Variants in PCDHA2 observed in about 807,000 individuals in gnomAD.
PCDHA2 encodes the protein protocadherin alpha-2.
In PCDHA2, 58 loss-of-function variants were observed where a neutral mutation model predicts 66.0. That is an observed-to-expected ratio of 0.88 (90% CI 0.71 to 1.09). The LOEUF (loss-of-function observed/expected upper bound fraction) is 1.09. Among genes scored for constraint, PCDHA2 ranks in the 50% least tolerant of loss-of-function variants. The pLI is 0.00. For synonymous variants in PCDHA2, 634 were observed against 554.0 expected, an observed-to-expected ratio of 1.14 and a Z score of -2.03; for missense variants, 1,267 against 1,242.3, an observed-to-expected ratio of 1.02 and a Z score of -0.30.
chr5:140,879,010 G>T (rs2057809352), intron 1 of PCDHA2, among the ~76,000 whole-genome samples: 1 of 152,200 alleles, frequency 6.6e-6, no homozygotes, highest in African/African-American at 2.4e-5. Context: ...CTAGAAATCA[G>T]ATAATGTTTT....
chr5:140,887,074 G>T (rs1554182860), intron 1 of PCDHA2, among the ~76,000 whole-genome samples: 2 of 151,506 alleles, frequency 1.3e-5, no homozygotes, highest in Non-Finnish European at 2.9e-5. Flanking sequence ...AATTCACTCA[G>T]CTTTTGTCTG....
Position 140,993,289 on chromosome 5 carries a change from C to T in PCDHA2, c.2536+10726C>T, listed in dbSNP as rs148346866. Among the ~76,000 whole-genome samples the T allele has an allele frequency of 3.6e-3, 552 of 152,140 alleles. 3 individuals are homozygous for T. The highest frequency in any genetic ancestry group is 0.01 in the Middle Eastern group (3 of 294). On this transcript the variant is annotated intron_variant, in intron 3 of 3. Coordinates refer to ENST00000526136, the MANE Select transcript of PCDHA2 (RefSeq NM_018905.3). ...TCTTTGGTCTTTTCTTGCCCAGGGTCACAACCTTGCCTCCAGGATAATACC... is the reference window on the plus strand; with the variant it reads ...TCTTTGGTCTTTTCTTGCCCAGGGTTACAACCTTGCCTCCAGGATAATACC...
intron 1 of PCDHA2, chr5:140,803,097 AC>A (rs782102274): frequency 1.1e-5 from 17 of 1,613,696 alleles, no homozygotes; most frequent in Non-Finnish European, 5.1e-6. Flanking sequence ...GATCAGCACG[AC>A]CCGTGCCCTG....
chr5:140,809,343 C>A (rs1764434828), intron 1 of PCDHA2: 3 of 1,614,074 alleles, frequency 1.9e-6, no homozygotes, highest in Middle Eastern at 3.3e-4. Context: ...CTGCTGTACA[C>A]CGCGCTGCGG....
At chr5:140,937,824 A>G (rs1229119616) in intron 1 of PCDHA2, among the ~76,000 whole-genome samples, 1 of 151,696 alleles carries the variant, frequency 6.6e-6, no homozygotes, top group African/African-American at 2.4e-5. Context: ...AGGCAGGAGA[A>G]TGGCATGAAC....
At chr5:140,967,066 C>A (rs782715200) in intron 1 of PCDHA2, 2 of 1,612,908 alleles carry the variant, frequency 1.2e-6, no homozygotes, top group Non-Finnish European at 1.7e-6. Context: ...GAGCGCTCTT[C>A]GTCAACGAGC....
intron 1 of PCDHA2, chr5:140,967,680 GGCAGCTCTTCA>G: frequency 6.2e-7 from 1 of 1,614,228 alleles, no homozygotes; most frequent in East Asian, 2.2e-5. Flanking sequence ...GACCGGGAGA[GGCAGCTCTTCA>G]GCATAGATGC....
chr5:140,983,363 C>A (rs574253600), intron 3 of PCDHA2, among the ~76,000 whole-genome samples: 33 of 152,290 alleles, frequency 2.2e-4, no homozygotes, highest in African/African-American at 7.9e-4. Context: ...AGAAATATGG[C>A]TTTGGAGGCC....
chr5:140,809,591 T>C, intron 1 of PCDHA2: 1 of 1,536,156 alleles, frequency 6.5e-7, no homozygotes, highest in South Asian at 1.2e-5. Context: ...ATAACATCCT[T>C]TTGTTTAATT....
chr5:140,928,012 A>G (rs2084863036), intron 1 of PCDHA2: 2 of 1,614,190 alleles, frequency 1.2e-6, no homozygotes, highest in African/African-American at 2.7e-5. Context: ...TTCTAATGGT[A>G]GGGTCATTTG....
chr5:140,947,107 G>A (rs1041048233), intron 1 of PCDHA2, among the ~76,000 whole-genome samples: 12 of 151,202 alleles, frequency 7.9e-5, no homozygotes, highest in South Asian at 4.2e-4. Flanking sequence ...AAATAGGTAC[G>A]TGTCAATTAA....
intron 1 of PCDHA2, chr5:140,858,025 G>C (rs992119806): frequency 1.9e-6 from 3 of 1,596,952 alleles, no homozygotes; most frequent in Non-Finnish European, 2.6e-6. Context: ...CGTCGCTGAC[G>C]GCCACGGCCA....
rs1314619067 is a variant in PCDHA2 at position 140,835,422 on chromosome 5, G to A, written c.2388+38070G>A. On this transcript the variant is annotated intron_variant, in intron 1 of 3. Transcript: ENST00000526136. The stretch of plus-strand genomic sequence containing the variant: ...GGAAGTTGTGGATGTAAATGACAAT[G>A]CTCCACAGTTGACTCTCACTTCCCT... 1.4e-5 allele frequency: 23 copies of A among 1,613,834 alleles called. No individual in the cohort carries two copies. The highest frequency in any genetic ancestry group is 1.9e-5 in the Non-Finnish European group (22 of 1,179,890).
At chr5:140,876,418 T>C in intron 1 of PCDHA2, 1 of 1,613,982 alleles carries the variant, frequency 6.2e-7, no homozygotes, top group Non-Finnish European at 8.5e-7. Flanking sequence ...GAATAATGCC[T>C]ATGAAATTCA....
chr5:140,870,678 G>A (rs1304914174), intron 1 of PCDHA2: 3 of 1,612,744 alleles, frequency 1.9e-6, no homozygotes, highest in Non-Finnish European at 2.5e-6. Context: ...TGGACCACGA[G>A]GAGCTGGAGC....
chr5:140,876,834 G>C (rs1481867678), intron 1 of PCDHA2: 2 of 1,614,042 alleles, frequency 1.2e-6, no homozygotes, highest in Non-Finnish European at 1.7e-6. Context: ...ATGCGCCTGC[G>C]TTCGCGCAGC....
intron 3 of PCDHA2, among the ~76,000 whole-genome samples, chr5:140,993,560 A>G (rs2097572904): frequency 6.6e-6 from 1 of 151,740 alleles, no homozygotes; most frequent in Non-Finnish European, 1.5e-5. Context: ...AGTATATAGT[A>G]TCCTTTCTAG....
chr5:140,989,597 G>A (rs1168398697), intron 3 of PCDHA2, among the ~76,000 whole-genome samples: 1 of 152,144 alleles, frequency 6.6e-6, no homozygotes, highest in Non-Finnish European at 1.5e-5. Flanking sequence ...ACTGACACAA[G>A]TAAACTAAAA....
rs936514432 is a variant in PCDHA2, at chr5:140,822,241, G to A, written c.2388+24889G>A. ...AGATTCGCGGTTTCCGCTAGAGGGC[G>A]CGTCGGATTTGGATATTGGAGCAAA... is the stretch of plus-strand genomic sequence containing the variant. On this transcript the variant is annotated intron_variant, in intron 1 of 3. Transcript: ENST00000526136. 1.2e-6 allele frequency: 2 copies of A among 1,614,110 alleles called. No individual in the cohort carries two copies. Among genetic ancestry groups the A allele is most frequent in the East Asian group, 2.2e-5 (1 of 44,902 alleles).
Sources: allele counts gnomAD v4.1 joint callset (sites outside exome capture counted in the v4.1 genomes callset), GRCh38; gene constraint gnomAD v4.1.1; transcripts MANE v1.5; gene names NCBI Gene and HGNC (gene_info 2026-07-23, HGNC 2026-07-21).